The following CADPS2 variants were observed in gnomAD, a reference collection of about 807,000 sequenced individuals.
CADPS2 encodes calcium-dependent secretion activator 2.
In CADPS2, 93 loss-of-function variants were observed where a neutral mutation model predicts 172.5. The observed-to-expected ratio is 0.54, with a 90% CI of 0.46 to 0.64. The LOEUF (loss-of-function observed/expected upper bound fraction) is 0.64. Ranked by LOEUF, CADPS2 falls within the 30% of genes least tolerant of loss-of-function variation. The pLI is 0.00. For missense variants in CADPS2, 1,420 were observed against 1,565.9 expected, an observed-to-expected ratio of 0.91 and a Z score of 1.57; for synonymous variants, 546 against 555.2, an observed-to-expected ratio of 0.98 and a Z score of 0.23.
intron 1 of CADPS2, among the ~76,000 whole-genome samples, chr7:122,743,906 C>T (rs141392486): frequency 2.3e-4 from 35 of 152,252 alleles, no homozygotes; most frequent in Non-Finnish European, 4.0e-4. Flanking sequence ...GTTCCAGCTA[C>T]GTCTCATACA....
chr7:122,673,210 G>C (rs1323942954), intron 2 of CADPS2, among the ~76,000 whole-genome samples: 1 of 152,220 alleles, frequency 6.6e-6, no homozygotes, highest in Non-Finnish European at 1.5e-5. Context: ...AAGAGCGAAA[G>C]AACAAAGCTT....
At position 122,818,884 on chromosome 7, in the gene CADPS2, CCT is replaced by C. The variant is rs573885018; in HGVS notation, c.339+67113_339+67114del. 3.3e-3 allele frequency among the ~76,000 whole-genome samples: 501 copies of C among 152,246 alleles called. 1 individual carries two copies. The highest frequency in any genetic ancestry group is 0.011 in the African/African-American group (475 of 41,550). On this transcript the variant is annotated intron_variant, in intron 1 of 29. Transcript: ENST00000449022. ...AGCTCATGACTTGTTTGGCAGCAACCCTGAGACGCTTTACAGCCCTAGACCCT... is the reference window on the plus strand; with the variant it reads ...AGCTCATGACTTGTTTGGCAGCAACCGAGACGCTTTACAGCCCTAGACCCT...
chr7:122,831,325 G>T (rs912019201), intron 1 of CADPS2, among the ~76,000 whole-genome samples: 8 of 152,126 alleles, frequency 5.3e-5, no homozygotes, highest in Non-Finnish European at 8.8e-5. Context: ...TGTCATTTGG[G>T]TGTTTTCGCT....
chr7:122,519,362 A>C (rs745947372), intron 8 of CADPS2, among the ~76,000 whole-genome samples: 15 of 152,112 alleles, frequency 9.9e-5, no homozygotes, highest in Non-Finnish European at 1.9e-4. Flanking sequence ...GGTATTAAGC[A>C]GTTGTTCCCT....
At chr7:122,859,669 T>C (rs1816387602) in intron 1 of CADPS2, among the ~76,000 whole-genome samples, 1 of 152,152 alleles carries the variant, frequency 6.6e-6, no homozygotes, top group African/African-American at 2.4e-5. Context: ...CCCCCATGAA[T>C]ACCAAAATCC....
At chr7:122,477,052 A>G (rs1300471248) in intron 12 of CADPS2, among the ~76,000 whole-genome samples, 19 of 26,006 alleles carry the variant, frequency 7.3e-4, no homozygotes, top group East Asian at 2.3e-3. Flanking sequence ...GGAGAGAGAG[A>G]AGAGAGAGAG....
At chr7:122,614,584 C>T (rs780508675) in intron 6 of CADPS2, among the ~76,000 whole-genome samples, 14 of 152,152 alleles carry the variant, frequency 9.2e-5, no homozygotes, top group Non-Finnish European at 2.1e-4. Context: ...CTACTAGAGA[C>T]CATGATGGTT....
intron 11 of CADPS2, among the ~76,000 whole-genome samples, chr7:122,489,686 T>TAATG (rs1369131929): frequency 2.0e-5 from 3 of 152,116 alleles, no homozygotes; most frequent in Non-Finnish European, 2.9e-5. Context: ...TTCTAGAAGG[T>TAATG]AATGGTTCAT....
At position 122,613,892 on chromosome 7, in the gene CADPS2, G is replaced by A. The variant is rs1003721285; in HGVS notation, c.1223+1289C>T. 2.0e-5 allele frequency among the ~76,000 whole-genome samples: 3 copies of A among 152,074 alleles called. No individual in the cohort carries two copies. The South Asian group carries it at 6.2e-4, about 32-fold the overall frequency. The stretch of plus-strand genomic sequence containing the variant: ...GATAAGATGTTTTGCCCTTTTCTCA[G>A]GAGGAAATACATTGCAAAATAAACA... On this transcript the variant is annotated intron_variant, in intron 6 of 29. Transcript: ENST00000449022.
intron 9 of CADPS2, among the ~76,000 whole-genome samples, chr7:122,496,019 CA>C (rs1446076675): frequency 6.6e-6 from 1 of 152,136 alleles, no homozygotes; most frequent in Non-Finnish European, 1.5e-5. Flanking sequence ...CCATTTTCCA[CA>C]ATCAATTTTG....
intron 25 of CADPS2, among the ~76,000 whole-genome samples, chr7:122,365,658 T>A (rs2040756926): frequency 6.6e-6 from 1 of 152,196 alleles, no homozygotes; most frequent in Non-Finnish European, 1.5e-5. Flanking sequence ...CGGGTTGGAA[T>A]GAAACACTGT....
intron 1 of CADPS2, among the ~76,000 whole-genome samples, chr7:122,864,596 T>G (rs1817815952): frequency 6.6e-6 from 1 of 151,664 alleles, no homozygotes; most frequent in Non-Finnish European, 1.5e-5. Context: ...AAGAAAGAAA[T>G]AAGGAAAATG....
intron 1 of CADPS2, among the ~76,000 whole-genome samples, chr7:122,871,715 T>C (rs114832379): frequency 0.012 from 1,868 of 152,220 alleles, 42 homozygotes; most frequent in African/African-American, 0.043. Context: ...CAATTAACAT[T>C]TTCAATCTCC....
At chr7:122,541,879 A>T (rs901069355) in intron 8 of CADPS2, among the ~76,000 whole-genome samples, 2 of 130,654 alleles carry the variant, frequency 1.5e-5, no homozygotes, top group African/African-American at 2.7e-5. Flanking sequence ...ATATATATTT[A>T]TATATATTCA....
intron 17 of CADPS2, chr7:122,422,188 A>G (rs1413654346): frequency 3.9e-5 from 6 of 152,260 alleles, no homozygotes; most frequent in African/African-American, 1.2e-4. Flanking sequence ...AGGAAGGACT[A>G]TAGTTTGGCA....
chr7:122,422,128 G>A lies in CADPS2; in HGVS notation c.2477-5964C>T, dbSNP rs558127687. On this transcript the variant is annotated intron_variant, in intron 17 of 29. Coordinates refer to ENST00000449022, the MANE Select transcript of CADPS2 (RefSeq NM_017954.11). ...TTCAGAAAATCAGAAAAGAGGTGTG[G>A]AAAAAGGGAGAAAATGGGAAAATAT... 3.9e-5 allele frequency: 6 copies of A among 152,306 alleles called. No homozygotes were observed. The East Asian group carries it at 1.2e-3, about 29-fold the overall frequency. The allele number at this position is 152,306 out of a possible 1,614,324, so 9.4% of individuals were successfully genotyped here.
At chr7:122,569,490 C>G (rs2066906365) in intron 7 of CADPS2, among the ~76,000 whole-genome samples, 1 of 150,524 alleles carries the variant, frequency 6.6e-6, no homozygotes, top group Non-Finnish European at 1.5e-5. Context: ...CCATCCCCAT[C>G]AAGCTACCAA....
chr7:122,421,637 C>T (rs1446295319), intron 17 of CADPS2, among the ~76,000 whole-genome samples: 1 of 152,116 alleles, frequency 6.6e-6, no homozygotes, highest in African/African-American at 2.4e-5. Flanking sequence ...ATTATTTCTG[C>T]CTTCAAAGAA....
intron 1 of CADPS2, among the ~76,000 whole-genome samples, chr7:122,738,347 AG>A (rs1174962421): frequency 1.3e-5 from 2 of 152,232 alleles, no homozygotes; most frequent in East Asian, 3.9e-4. Flanking sequence ...CTGTACACAC[AG>A]GGGCATGTAC....
Sources: allele counts gnomAD v4.1 joint callset (sites outside exome capture counted in the v4.1 genomes callset), GRCh38; gene constraint gnomAD v4.1.1; transcripts MANE v1.5; gene names NCBI Gene and HGNC (gene_info 2026-07-23, HGNC 2026-07-21).